DSE: variants seen among roughly 807,000 people sequenced by gnomAD.
DSE encodes dermatan sulfate epimerase, also known as dermatan-sulfate epimerase.
A neutral mutation model predicts 84.4 loss-of-function variants in DSE; 36 were observed. The observed-to-expected ratio is 0.43, with a 90% CI of 0.33 to 0.56. The LOEUF is 0.56. DSE is among the 20% of genes least tolerant of loss of function. The pLI is 0.06. For synonymous variants in DSE, 410 were observed against 430.1 expected, an observed-to-expected ratio of 0.95 and a Z score of 0.58; for missense variants, 862 against 1,169.6, an observed-to-expected ratio of 0.74 and a Z score of 3.84.
chr6:116,391,407 A>G (rs913050717), intron 1 of DSE, among the ~76,000 whole-genome samples: 2 of 152,102 alleles, frequency 1.3e-5, no homozygotes, highest in Non-Finnish European at 2.9e-5. Flanking sequence ...CTATCATTTC[A>G]TATTGTGGAT....
At chr6:116,318,621 T>C (rs909473698) in intron 2 of DSE, among the ~76,000 whole-genome samples, 4 of 152,204 alleles carry the variant, frequency 2.6e-5, no homozygotes, top group African/African-American at 9.7e-5. Flanking sequence ...CTGACTGATA[T>C]CAAAGCTCCA....
At chr6:116,425,611 TTA>T (rs1264939862) in intron 2 of DSE, among the ~76,000 whole-genome samples, 4 of 117,804 alleles carry the variant, frequency 3.4e-5, no homozygotes, top group Non-Finnish European at 7.9e-5. Context: ...TTTATTTTAT[TTA>T]TTTTTATTTT....
chr6:116,280,920 T>C (rs1582933318), intron 2 of DSE, among the ~76,000 whole-genome samples: 1 of 152,374 alleles, frequency 6.6e-6, no homozygotes, highest in Middle Eastern at 3.4e-3. Flanking sequence ...GCAAACGTTA[T>C]TTTCTACTTA....
intron 2 of DSE, among the ~76,000 whole-genome samples, chr6:116,337,107 A>C (rs906647549): frequency 2.0e-5 from 3 of 152,352 alleles, no homozygotes; most frequent in African/African-American, 4.8e-5. Context: ...TACACATAAG[A>C]AACACAAAGC....
chr6:116,273,697 C>T (rs1347034625), intron 2 of DSE, among the ~76,000 whole-genome samples: 1 of 152,164 alleles, frequency 6.6e-6, no homozygotes, highest in Non-Finnish European at 1.5e-5. Context: ...CGGTACCCCC[C>T]TCAATGAGCC....
chr6:116,320,821 A>G (rs1368155798), intron 2 of DSE, among the ~76,000 whole-genome samples: 1 of 152,184 alleles, frequency 6.6e-6, no homozygotes, highest in Non-Finnish European at 1.5e-5. Flanking sequence ...ACCTAATTTT[A>G]ACTTAATTAC....
chr6:116,335,329 C>A (rs1201476416), intron 2 of DSE, among the ~76,000 whole-genome samples: 1 of 151,966 alleles, frequency 6.6e-6, no homozygotes, highest in African/African-American at 2.4e-5. Context: ...AATGATGAAA[C>A]CATATAGACA....
intron 2 of DSE, among the ~76,000 whole-genome samples, chr6:116,267,088 G>C (rs1314606090): frequency 6.6e-6 from 1 of 152,146 alleles, no homozygotes; most frequent in East Asian, 1.9e-4. Context: ...TCATATAAAA[G>C]TATAGCACAT....
Position 116,287,435 on chromosome 6 carries a change from G to A in DSE, c.-54+28468G>A, listed in dbSNP as rs181052509. Among the ~76,000 whole-genome samples, 26 of 151,960 alleles carry A rather than the reference G, an allele frequency of 1.7e-4. 1 individual carries two copies. In the East Asian group the frequency reaches 3.9e-3, roughly 23 times the overall value. On this transcript the variant is annotated intron_variant, in intron 2 of 3. Coordinates refer to the DSE transcript ENST00000430252. ...ACATAAAATAATTATGTATAAGAATGCATCATGTCATAGTTTAATTGGCAG... is the reference window on the plus strand; with the variant it reads ...ACATAAAATAATTATGTATAAGAATACATCATGTCATAGTTTAATTGGCAG...
At chr6:116,392,460 A>G (rs1310476603) in intron 1 of DSE, among the ~76,000 whole-genome samples, 1 of 152,148 alleles carries the variant, frequency 6.6e-6, no homozygotes, top group East Asian at 1.9e-4. Flanking sequence ...TCATGTAACT[A>G]ACTATGGGGC....
chr6:116,373,342 G>A (rs1184832445), intron 1 of DSE, among the ~76,000 whole-genome samples: 1 of 152,036 alleles, frequency 6.6e-6, no homozygotes, highest in Non-Finnish European at 1.5e-5. Flanking sequence ...CAGCCTGAGC[G>A]ACAGAAGAAG....
chr6:116,389,902 G>A (rs1023609491), intron 1 of DSE, among the ~76,000 whole-genome samples: 1 of 151,466 alleles, frequency 6.6e-6, no homozygotes, highest in Non-Finnish European at 1.5e-5. Flanking sequence ...GACTAAGGGA[G>A]ACTGACTATT....
At chr6:116,392,551 G>A (rs933402393) in intron 1 of DSE, among the ~76,000 whole-genome samples, 18 of 152,128 alleles carry the variant, frequency 1.2e-4, no homozygotes, top group African/African-American at 3.9e-4. Flanking sequence ...TATAGGGGAT[G>A]TACATTTCAC....
At chr6:116,325,906 G>A (rs2114775455) in intron 2 of DSE, among the ~76,000 whole-genome samples, 1 of 152,240 alleles carries the variant, frequency 6.6e-6, no homozygotes, top group Middle Eastern at 3.4e-3. Flanking sequence ...CAACTCTAAG[G>A]GGATGCACAT....
chr6:116,349,928 A>G (rs116960398), intron 2 of DSE, among the ~76,000 whole-genome samples: 1,865 of 152,270 alleles, frequency 0.012, 15 homozygotes, highest in Non-Finnish European at 0.019. Context: ...TTTTACAGAG[A>G]GAATTTGTCT....
upstream of DSE, chr6:116,366,301 G>A (rs1779161666): frequency 6.6e-6 from 1 of 152,058 alleles, no homozygotes; most frequent in South Asian, 2.1e-4. Context: ...TATCCACCAT[G>A]GTATCTAGAC....
chr6:116,429,893 A>T (rs1329545978), intron 3 of DSE, among the ~76,000 whole-genome samples: 1 of 15,712 alleles, frequency 6.4e-5, no homozygotes, highest in Non-Finnish European at 1.3e-4. Context: ...CGGAGCTTGC[A>T]GTGAGCCGAG....
chr6:116,432,620 T>C (rs1783912989), intron 4 of DSE: 1 of 152,132 alleles, frequency 6.6e-6, no homozygotes, highest in African/African-American at 2.4e-5. Context: ...TTCTCTCTTT[T>C]TTTTTTTTTC....
chr6:116,370,539 G>T, upstream of DSE: 2 of 983,498 alleles, frequency 2.0e-6, no homozygotes, highest in East Asian at 2.3e-4. Context: ...CTCTCGCAGA[G>T]TAGTATGGAA....
Sources: allele counts gnomAD v4.1 joint callset (sites outside exome capture counted in the v4.1 genomes callset), GRCh38; gene constraint gnomAD v4.1.1; transcripts MANE v1.5; gene names NCBI Gene and HGNC (gene_info 2026-07-23, HGNC 2026-07-21).